NUP133: variants seen among roughly 807,000 people sequenced by gnomAD.
NUP133 encodes the protein nucleoporin 133.
Under a neutral mutation model 146.2 loss-of-function variants are expected in NUP133, and 66 were observed. That is an observed-to-expected ratio of 0.45 (90% CI 0.37 to 0.55). The LOEUF (loss-of-function observed/expected upper bound fraction) is 0.55, where lower values mean the gene tolerates loss of function less well. Ranked by LOEUF, NUP133 falls within the 20% of genes least tolerant of loss-of-function variation. The probability of loss-of-function intolerance (pLI) is 0.00; values close to 1 mark genes in which losing one functional copy is unlikely to be tolerated. For synonymous variants in NUP133, 521 were observed against 498.8 expected (o/e 1.04, Z -0.59); for missense variants, 1,277 against 1,374.8 (o/e 0.93, Z 1.12).
At chr1:229,465,002 T>C in intron 17 of NUP133, 127 bp from the exon 18 acceptor site, 1 of 1,102,384 alleles carries the variant, frequency 9.1e-7, no homozygotes, top group Non-Finnish European at 1.3e-6. Flanking sequence ...GGGATTCAGG[T>C]GATACCTGTC....
intron 22 of NUP133, among the ~76,000 whole-genome samples, chr1:229,451,676 A>G (rs1298312256): frequency 2.0e-5 from 3 of 152,220 alleles, no homozygotes; most frequent in Non-Finnish European, 4.4e-5. Flanking sequence ...AATAGCAACA[A>G]TACTCAGACC....
chr1:229,448,965 G>A, intron 24 of NUP133, 161 bp downstream of exon 24: 1 of 637,700 alleles, frequency 1.6e-6, no homozygotes, highest in Non-Finnish European at 2.8e-6. Context: ...AGGACATTCA[G>A]CTGGTGCCCA....
chr1:229,442,830 C>T (rs913628489), intron 25 of NUP133, among the ~76,000 whole-genome samples: 1 of 151,662 alleles, frequency 6.6e-6, no homozygotes, highest in African/African-American at 2.4e-5. Flanking sequence ...CTCAGCCACC[C>T]CGGTAACTAG....
At chr1:229,452,910 G>A (rs978728334) in intron 21 of NUP133, among the ~76,000 whole-genome samples, 2 of 152,166 alleles carry the variant, frequency 1.3e-5, no homozygotes, top group African/African-American at 2.4e-5. Context: ...AAGGAAATAC[G>A]TTCAATGCTT....
chr1:229,478,425 G>C (rs1661129496), intron 12 of NUP133, among the ~76,000 whole-genome samples: 1 of 151,852 alleles, frequency 6.6e-6, no homozygotes, highest in Non-Finnish European at 1.5e-5. Flanking sequence ...AACAGGTAAA[G>C]AGGAGGTCAT....
intron 11 of NUP133, among the ~76,000 whole-genome samples, chr1:229,485,323 G>A (rs1252115431): frequency 6.6e-6 from 1 of 152,192 alleles, no homozygotes; most frequent in African/African-American, 2.4e-5. Flanking sequence ...CAATAGAAAA[G>A]GGAAGTTCTG....
At chr1:229,444,197 G>A (rs922665988) in intron 25 of NUP133, among the ~76,000 whole-genome samples, 8 of 151,826 alleles carry the variant, frequency 5.3e-5, no homozygotes, top group Admixed American at 1.3e-4. Context: ...CAGACATGGT[G>A]GTGCGTGCCT....
chr1:229,501,766 C>T lies in NUP133; in HGVS notation c.405+233G>A, dbSNP rs1008408097. 4.6e-5 allele frequency among the ~76,000 whole-genome samples: 7 copies of T among 152,160 alleles called. No homozygotes were observed. In the East Asian group the frequency reaches 1.2e-3, roughly 25 times the overall value. On this transcript the variant is annotated intron_variant, in intron 3 of 25. Transcript: ENST00000261396. ...ATATTCATTGGAAATATCAATGACT[C>T]TAATTTTATTAAATGTAAACAACAC...
At chr1:229,469,866 A>G (rs2102761900) in intron 15 of NUP133, among the ~76,000 whole-genome samples, 1 of 152,324 alleles carries the variant, frequency 6.6e-6, no homozygotes, top group East Asian at 1.9e-4. Context: ...TCTCTACTAA[A>G]AATACAAAAA....
intron 1 of NUP133, among the ~76,000 whole-genome samples, chr1:229,507,637 T>A (rs1661978351): frequency 6.6e-6 from 1 of 152,236 alleles, no homozygotes; most frequent in Admixed American, 6.5e-5. Flanking sequence ...CATTAAACAA[T>A]GATCTTTCAG....
chr1:229,464,571 C>A, intron 18 of NUP133, 53 bp downstream of exon 18: 1 of 1,585,816 alleles, frequency 6.3e-7, no homozygotes, highest in Non-Finnish European at 8.6e-7. Context: ...AACTATTCAA[C>A]CCTTTCATCC....
intron 9 of NUP133, among the ~76,000 whole-genome samples, chr1:229,488,915 T>C (rs1330606683): frequency 6.6e-6 from 1 of 152,206 alleles, no homozygotes; most frequent in African/African-American, 2.4e-5. Context: ...AATGAATTTA[T>C]AGATGTTCAG....
At chr1:229,457,340 A>G (rs1486338583) in intron 21 of NUP133, among the ~76,000 whole-genome samples, 2 of 152,060 alleles carry the variant, frequency 1.3e-5, no homozygotes, top group African/African-American at 4.8e-5. Flanking sequence ...GTCTTTCTAT[A>G]TTTGTACTCC....
At chr1:229,483,261 C>T (rs1431031596) in intron 12 of NUP133, among the ~76,000 whole-genome samples, 1 of 152,012 alleles carries the variant, frequency 6.6e-6, no homozygotes, top group Non-Finnish European at 1.5e-5. Flanking sequence ...CCATGCCCGG[C>T]TAATTATTTT....
chr1:229,458,970 T>G (rs1278826249), intron 20 of NUP133, among the ~76,000 whole-genome samples: 1 of 152,134 alleles, frequency 6.6e-6, no homozygotes, highest in African/African-American at 2.4e-5. Context: ...GGAGTACACA[T>G]TCTAAATAAT....
At chr1:229,457,614 TTTG>T (rs1023424115) in intron 21 of NUP133, among the ~76,000 whole-genome samples, 14 of 152,342 alleles carry the variant, frequency 9.2e-5, no homozygotes, top group African/African-American at 2.2e-4. Context: ...TTGCATTATT[TTTG>T]TTGTTTTAAT....
chr1:229,460,399 A>ACT (rs1660667038), intron 20 of NUP133, among the ~76,000 whole-genome samples: 2 of 151,592 alleles, frequency 1.3e-5, no homozygotes, highest in South Asian at 4.2e-4. Context: ...CTGGTCTTGA[A>ACT]CTCCTGCACT....
In NUP133 at chr1:229,441,923, T is replaced by C. The variant is rs1206119525; in HGVS notation, c.3452A>G (p.Tyr1151Cys). 1.3e-6 allele frequency: 2 copies of C among 1,579,930 alleles called. No individual in the cohort carries two copies. Among genetic ancestry groups the C allele is most frequent in the African/African-American group, 1.4e-5 (1 of 72,808 alleles). The change falls in exon 26 of 26, where the codon TAT (tyrosine) becomes TGT (cysteine). Residue 1151 changes from tyrosine (Y) to cysteine (C), a missense_variant. By Grantham distance (194) the Tyr-to-Cys change is radical. Coordinates refer to ENST00000261396, the MANE Select transcript of NUP133 (RefSeq NM_018230.3). ...EFVLKANYEY[Y>C]VQGQI ...AAAAAGTTATATTTGTCCCTGAACA[T>C]AATATTCATAATTTGCTTTCAAAAC...
intron 15 of NUP133, among the ~76,000 whole-genome samples, chr1:229,469,950 C>T (rs1458543781): frequency 2.0e-5 from 3 of 152,208 alleles, no homozygotes; most frequent in Admixed American, 6.5e-5. Flanking sequence ...TGCTTGAAGC[C>T]AGGAGGCAGA....
Sources: allele counts gnomAD v4.1 joint callset (sites outside exome capture counted in the v4.1 genomes callset), GRCh38; gene constraint gnomAD v4.1.1; transcripts MANE v1.5; gene names NCBI Gene and HGNC (gene_info 2026-07-23, HGNC 2026-07-21).